Variants in AGPAT3 observed in about 807,000 individuals in gnomAD.
AGPAT3 encodes the protein 1-acyl-sn-glycerol-3-phosphate acyltransferase gamma.
A neutral mutation model predicts 47.3 loss-of-function variants in AGPAT3; 5 were observed. The observed-to-expected ratio is 0.11, with a 90% CI of 0.06 to 0.22. The LOEUF is 0.22. Ranked by LOEUF, AGPAT3 falls within the 10% of genes least tolerant of loss-of-function variation. The pLI is 1.00. For missense variants in AGPAT3, 315 were observed against 493.0 expected (o/e 0.64, Z 3.42); for synonymous variants, 212 against 208.3 (o/e 1.02, Z -0.15).
chr21:43,979,770 A>C (rs1196041638), intron 8 of AGPAT3, among the ~76,000 whole-genome samples: 2 of 152,134 alleles, frequency 1.3e-5, no homozygotes, highest in Non-Finnish European at 2.9e-5. Context: ...GTGCCAGGAC[A>C]CTCGGGGACA....
At chr21:43,911,091 A>T (rs1451494751) in intron 2 of AGPAT3, among the ~76,000 whole-genome samples, 4 of 152,212 alleles carry the variant, frequency 2.6e-5, no homozygotes, top group African/African-American at 9.7e-5. Context: ...AAGAACATAC[A>T]TACACCGACA....
chr21:43,923,695 G>A (rs1449736667), intron 2 of AGPAT3, among the ~76,000 whole-genome samples: 1 of 152,240 alleles, frequency 6.6e-6, no homozygotes, highest in Admixed American at 6.5e-5. Context: ...GTTTCTGGTA[G>A]AGGGTGTTAC....
At chr21:43,894,748 G>A (rs866380827) in intron 1 of AGPAT3, among the ~76,000 whole-genome samples, 12 of 152,092 alleles carry the variant, frequency 7.9e-5, no homozygotes, top group African/African-American at 2.9e-4. Context: ...TATTCTTGAG[G>A]ATATTTTTGT....
rs144954422 is a variant in AGPAT3, at chr21:43,887,586, G to GCA, written c.-111-16356_-111-16355dup. Among the ~76,000 whole-genome samples, 24 of 151,438 alleles carry GCA rather than the reference G, an allele frequency of 1.6e-4. 1 individual carries two copies. The South Asian group carries it at 2.3e-3, about 14-fold the overall frequency. ...TTGAGGAATAAAAGCGTGCGCACAC[G>GCA]CACACACACACACACAACTGCGCTC... On this transcript the variant is annotated intron_variant, in intron 1 of 9. Transcript: ENST00000291572.
chr21:43,969,267 C>A lies in AGPAT3; in HGVS notation c.498C>A (p.Pro166=), dbSNP rs368791088. The A allele has an allele frequency of 6.2e-7, 1 of 1,614,196 alleles. No individual in the cohort carries two copies. Among genetic ancestry groups the A allele is most frequent in the Non-Finnish European group, 8.5e-7 (1 of 1,180,024 alleles). Residue 166 remains proline (P), a synonymous_variant, in exon 5 of 10, where the codon CCC becomes CCA. Transcript: ENST00000291572. The part of the protein sequence containing the change: ...VEGLRRLSDY[P]EYMWFLLYCE... ...GGCTGAGGCGCCTGTCGGACTACCC[C>A]GAGTACATGTGGGTGAGTGCGCGGA...
Position 43,955,371 on chromosome 21 carries a change from C to A in AGPAT3, c.-48-4263C>A. The stretch of plus-strand genomic sequence containing the variant: ...CGGCTTAGCTTGTCAACACCCATAA[C>A]GCTATGCACGGACACTCGGCAAACC... On this transcript the variant is annotated intron_variant, in intron 2 of 9. Coordinates refer to ENST00000291572, the MANE Select transcript of AGPAT3 (RefSeq NM_020132.5). The surrounding 1 kb of genome is among the most constrained non-coding windows in gnomAD (Gnocchi z 4.1). The A allele has an allele frequency of 2.6e-6, 1 of 387,712 alleles. No individual in the cohort carries two copies. The highest frequency in any genetic ancestry group is 3.9e-6 in the Non-Finnish European group (1 of 255,460). 24.0% of individuals were successfully genotyped at this position (387,712 alleles called of 1,614,324 possible).
In AGPAT3 at chr21:43,955,648, G is replaced by T. The variant is rs1408058554; in HGVS notation, c.-48-3986G>T. ...TGACTGGGTGCGGTGGCTCACACCT[G>T]TAATCCCAGCGCTTTGGGAGGTCGA... On this transcript the variant is annotated intron_variant, in intron 2 of 9. Transcript: ENST00000291572. The surrounding 1 kb of genome is among the most constrained non-coding windows in gnomAD (Gnocchi z 4.1). Among the ~76,000 whole-genome samples, 1 of 151,994 alleles carries T rather than the reference G, an allele frequency of 6.6e-6. No homozygotes were observed. The highest frequency in any genetic ancestry group is 1.5e-5 in the Non-Finnish European group (1 of 67,992).
At chr21:43,865,420 C>A (rs2085481766) in intron 1 of AGPAT3, 75 bp downstream of exon 1, 1 of 146,728 alleles carries the variant, frequency 6.8e-6, no homozygotes, top group South Asian at 2.1e-4. Flanking sequence ...CCGAGGTCGC[C>A]CTCCCGCCGC....
chr21:43,896,943 G>GTTTTTTTTTTTTTTTTTTTTTTTTTTTTC, intron 1 of AGPAT3, among the ~76,000 whole-genome samples: 1 of 42,322 alleles, frequency 2.4e-5, no homozygotes, highest in Non-Finnish European at 4.4e-5. Context: ...TTGACAGTCC[G>GTTTTTTTTTTTTTTTTTTTTTTTTTTTTC]TTTTTTTTTT....
At chr21:43,967,882 G>A in intron 3 of AGPAT3, 64 bp from the exon 4 acceptor site, 1 of 1,536,430 alleles carries the variant, frequency 6.5e-7, no homozygotes, top group South Asian at 1.2e-5. Context: ...TCTCCTGTGG[G>A]CGCTCCCTGA....
intron 7 of AGPAT3, among the ~76,000 whole-genome samples, chr21:43,975,552 C>A (rs2089584428): frequency 6.6e-6 from 1 of 152,284 alleles, no homozygotes. Context: ...GTGTGAGGCG[C>A]GTGACCCTAG....
Position 43,952,406 on chromosome 21 carries a change from G to T in AGPAT3, c.-48-7228G>T, listed in dbSNP as rs1195784163. On this transcript the variant is annotated intron_variant, in intron 2 of 9. Transcript: ENST00000291572. The surrounding 1 kb of genome is among the most constrained non-coding windows in gnomAD (Gnocchi z 5.6). ...GGACCTGGGCATTACCTTTGTGGAA[G>T]GAACTCAGTTCACCCTAACAAAAGG... 6.6e-6 allele frequency among the ~76,000 whole-genome samples: 1 copy of T among 152,218 alleles called. No individual in the cohort carries two copies. Among genetic ancestry groups the T allele is most frequent in the Admixed American group, 6.5e-5 (1 of 15,286 alleles).
intron 1 of AGPAT3, among the ~76,000 whole-genome samples, chr21:43,878,146 C>T (rs2085775043): frequency 6.6e-6 from 1 of 152,136 alleles, no homozygotes; most frequent in Non-Finnish European, 1.5e-5. Flanking sequence ...GTCAGTGTCC[C>T]CCGACCTCAC....
At chr21:43,960,812 G>A in intron 3 of AGPAT3, 3 of 976,142 alleles carry the variant, frequency 3.1e-6, no homozygotes, top group Non-Finnish European at 3.7e-6. Context: ...TCTTAAGAAA[G>A]GATGCTGTGT....
chr21:43,924,225 C>T (rs1466089088), intron 2 of AGPAT3, among the ~76,000 whole-genome samples: 2 of 151,580 alleles, frequency 1.3e-5, no homozygotes, highest in East Asian at 1.9e-4. Context: ...CGGGGTTTCA[C>T]CGTGTTAGCC....
chr21:43,980,008 T>G (rs1042558936), intron 8 of AGPAT3, among the ~76,000 whole-genome samples: 1 of 152,000 alleles, frequency 6.6e-6, no homozygotes, highest in African/African-American at 2.4e-5. Context: ...GTCGGCCAGG[T>G]GTGGTGGCTC....
intron 1 of AGPAT3, among the ~76,000 whole-genome samples, chr21:43,882,874 G>A (rs1320248971): frequency 6.6e-6 from 1 of 152,168 alleles, no homozygotes; most frequent in East Asian, 1.9e-4. Flanking sequence ...AGGGGCCTGG[G>A]GCAACTGCTG....
chr21:43,963,637 G>A (rs149232836), intron 3 of AGPAT3, among the ~76,000 whole-genome samples: 19 of 151,436 alleles, frequency 1.3e-4, no homozygotes, highest in East Asian at 7.7e-4. Flanking sequence ...GAACCTGGTC[G>A]GTGGAGGTTG....
intron 1 of AGPAT3, among the ~76,000 whole-genome samples, chr21:43,896,129 C>T (rs979524597): frequency 8.1e-4 from 124 of 152,346 alleles, no homozygotes; most frequent in African/African-American, 2.9e-3. Context: ...GTCTTGAACT[C>T]CTGAGCTCAA....
Sources: allele counts gnomAD v4.1 joint callset (sites outside exome capture counted in the v4.1 genomes callset), GRCh38; gene constraint gnomAD v4.1.1; non-coding constraint Gnocchi (gnomAD v3.1); transcripts MANE v1.5; gene names NCBI Gene and HGNC (gene_info 2026-07-23, HGNC 2026-07-21).